CHRNB4: variants seen among roughly 807,000 people sequenced by gnomAD.
CHRNB4 encodes neuronal acetylcholine receptor subunit beta-4.
A neutral mutation model predicts 40.4 loss-of-function variants in CHRNB4; 23 were observed. That is an observed-to-expected ratio of 0.57 (90% confidence interval 0.41 to 0.81). The LOEUF (loss-of-function observed/expected upper bound fraction) is 0.81. Ranked by LOEUF, CHRNB4 falls within the 30% of genes least tolerant of loss-of-function variation. CHRNB4 has a pLI of 0.00. For missense variants in CHRNB4, 568 were observed against 670.6 expected (o/e 0.85, Z 1.69); for synonymous variants, 285 against 274.4 (o/e 1.04, Z -0.38).
rs1567112648 is a variant in CHRNB4 at position 78,629,222 on chromosome 15, CG to C, written c.1082del (p.Pro361ArgfsTer7). The C allele has an allele frequency of 6.2e-7, 1 of 1,613,390 alleles. No homozygotes were observed. The highest frequency in any genetic ancestry group is 8.5e-7 in the Non-Finnish European group (1 of 1,179,636). On this transcript the variant is annotated frameshift_variant, in exon 5 of 6. Coordinates refer to ENST00000261751, the MANE Select transcript of CHRNB4 (RefSeq NM_000750.5). LOFTEE classifies it high-confidence loss of function. This position sits in a 1 kb window ranked among gnomAD's most constrained non-coding sequence, Gnocchi z 6.8. ...GPDSSPARAF[P>X]PSKSCVTKPE... Reference sequence around the variant, plus strand: ...GCTTGGTCACGCATGACTTGCTGGGCGGGAAGGCTCTGGCCGGGCTGCTGTC... The same window carrying C: ...GCTTGGTCACGCATGACTTGCTGGGCGGAAGGCTCTGGCCGGGCTGCTGTC...
intron 1 of CHRNB4, among the ~76,000 whole-genome samples, chr15:78,637,157 G>A (rs574947941): frequency 5.1e-4 from 77 of 152,272 alleles, no homozygotes; most frequent in African/African-American, 1.7e-3. Context: ...CCTAAATACC[G>A]CCTCATGCAG....
chr15:78,629,584 T>C lies in CHRNB4; in HGVS notation c.721A>G (p.Ile241Val). 1 of 1,613,944 alleles carries C rather than the reference T, an allele frequency of 6.2e-7. No homozygotes were observed. Among genetic ancestry groups the C allele is most frequent in the Non-Finnish European group, 8.5e-7 (1 of 1,179,990 alleles). ...AGCAAGGTGGTGAGCACGCAGGGGATGATGAGGTTGATGGTGTAGAACAGA... is the reference window on the plus strand; with the variant it reads ...AGCAAGGTGGTGAGCACGCAGGGGACGATGAGGTTGATGGTGTAGAACAGA... Reference protein sequence around the residue: ...KPLFYTINLIIPCVLTTLLAI... With the variant: ...KPLFYTINLIVPCVLTTLLAI... The change falls in exon 5 of 6, where the codon ATC becomes GTC. Residue 241 changes from isoleucine to valine, a missense_variant. By Grantham distance (29) the Ile-to-Val change is conservative (BLOSUM62 3). Coordinates refer to ENST00000261751, the MANE Select transcript of CHRNB4 (RefSeq NM_000750.5). This position sits in a 1 kb window ranked among gnomAD's most constrained non-coding sequence, Gnocchi z 6.8.
At chr15:78,660,606 C>CTG (rs1377894204), upstream of CHRNB4, 3 of 159,238 alleles carry the variant, frequency 1.9e-5, no homozygotes, top group African/African-American at 7.2e-5. Flanking sequence ...GTCACAGTCC[C>CTG]TGTAAGGGTC....
intron 2 of CHRNB4, among the ~76,000 whole-genome samples, chr15:78,634,101 A>C (rs796403793): frequency 1.7e-4 from 26 of 152,236 alleles, no homozygotes; most frequent in African/African-American, 6.3e-4. Context: ...TCCTCAAATA[A>C]ATAAACAAAC....
chr15:78,646,648 A>G (rs1312517999), intron 7 of CHRNB4, among the ~76,000 whole-genome samples: 1 of 152,204 alleles, frequency 6.6e-6, no homozygotes, highest in African/African-American at 2.4e-5. Context: ...AGAGCAAGAC[A>G]GACAGGAGGC....
chr15:78,638,185 G>T (rs1037525802), intron 1 of CHRNB4, among the ~76,000 whole-genome samples: 1 of 152,188 alleles, frequency 6.6e-6, no homozygotes, highest in South Asian at 2.1e-4. Context: ...CCAAGCGCAG[G>T]GCTGCTCTGC....
At chr15:78,657,161 G>T (rs1279987526) in intron 3 of CHRNB4, among the ~76,000 whole-genome samples, 2 of 151,588 alleles carry the variant, frequency 1.3e-5, no homozygotes, top group Non-Finnish European at 2.9e-5. Context: ...AGTAGCTGGG[G>T]TTACAGGCAC....
At chr15:78,634,588 A>G (rs1348615192) in intron 2 of CHRNB4, 5 of 407,140 alleles carry the variant, frequency 1.2e-5, no homozygotes, top group Non-Finnish European at 2.5e-5. Context: ...CAACCGTGCT[A>G]GAGAGAGAGT....
intron 5 of CHRNB4, among the ~76,000 whole-genome samples, chr15:78,628,682 C>T (rs1166629687): frequency 1.3e-5 from 2 of 152,188 alleles, no homozygotes; most frequent in East Asian, 3.8e-4. Context: ...CCTCACTGTG[C>T]TTCCCAGGAT....
At chr15:78,637,791 T>C (rs1175345560) in intron 1 of CHRNB4, among the ~76,000 whole-genome samples, 1 of 152,206 alleles carries the variant, frequency 6.6e-6, no homozygotes, top group Non-Finnish European at 1.5e-5. Context: ...TTGTGAAAGA[T>C]GCTCCTAGTG....
intron 7 of CHRNB4, among the ~76,000 whole-genome samples, chr15:78,646,246 A>T (rs2054122339): frequency 6.6e-6 from 1 of 152,176 alleles, no homozygotes; most frequent in Admixed American, 6.5e-5. Context: ...ATAAGACAGA[A>T]GTTGCCTTGT....
intron 2 of CHRNB4, chr15:78,634,805 G>C: frequency 2.2e-6 from 1 of 455,798 alleles, no homozygotes; most frequent in Non-Finnish European, 4.4e-6. Flanking sequence ...CCAACTCAGA[G>C]GCAGCAAAGA....
chr15:78,625,684 C>G (rs1351330136), intron 5 of CHRNB4, among the ~76,000 whole-genome samples: 1 of 152,190 alleles, frequency 6.6e-6, no homozygotes, highest in Non-Finnish European at 1.5e-5. Flanking sequence ...TGAGCTGGTT[C>G]TAGCTAAAGA....
chr15:78,652,806 A>G (rs2141409866), intron 5 of CHRNB4: 1 of 152,328 alleles, frequency 6.6e-6, no homozygotes, highest in Middle Eastern at 3.4e-3. Context: ...TGATGCTTCA[A>G]CAAGGTAATG....
intron 2 of CHRNB4, among the ~76,000 whole-genome samples, chr15:78,633,491 G>T (rs1021325290): frequency 2.0e-5 from 3 of 152,202 alleles, no homozygotes; most frequent in Non-Finnish European, 2.9e-5. Flanking sequence ...CAGGCTGTTG[G>T]TGGGAAGGGA....
At chr15:78,640,575 G>A (rs943871079) in intron 1 of CHRNB4, among the ~76,000 whole-genome samples, 1 of 152,260 alleles carries the variant, frequency 6.6e-6, no homozygotes, top group Non-Finnish European at 1.5e-5. Flanking sequence ...TACCACCGCT[G>A]TGTGGGAGGG....
chr15:78,661,085 T>G, upstream of CHRNB4: 2 of 603,582 alleles, frequency 3.3e-6, no homozygotes, highest in Non-Finnish European at 6.4e-6. Flanking sequence ...CTGGCGCGCT[T>G]GAACTTCCGG....
At chr15:78,634,758 G>T in intron 2 of CHRNB4, 1 of 456,002 alleles carries the variant, frequency 2.2e-6, no homozygotes, top group Non-Finnish European at 4.4e-6. Context: ...GGGGACATGG[G>T]AAGGTTTACA....
Position 78,629,323 on chromosome 15 carries a change from T to C in CHRNB4, c.982A>G (p.Thr328Ala), listed in dbSNP as rs2053739249. 30 of 1,613,984 alleles carry C rather than the reference T, an allele frequency of 1.9e-5. No individual in the cohort carries two copies. Among genetic ancestry groups the C allele is most frequent in the Non-Finnish European group, 2.5e-5 (29 of 1,179,994 alleles). Residue 328 changes from threonine (T) to alanine (A), a missense_variant, in exon 5 of 6, where the codon ACC (threonine) becomes GCC (alanine). Thr to Ala is a moderately conservative substitution (Grantham distance 58). This residue lies in a region of CHRNB4 where 242 missense variants were observed against 274.9 expected (regional missense o/e 0.88). Transcript: ENST00000261751. The surrounding 1 kb of genome is among the most constrained non-coding windows in gnomAD (Gnocchi z 6.8). ...CAGCGCTTGACCCAGGGTGCCATGGTGTGGGTGCTGGGCGAGCGGTGGTGC... is the reference window on the plus strand; with the variant it reads ...CAGCGCTTGACCCAGGGTGCCATGGCGTGGGTGCTGGGCGAGCGGTGGTGC... ...NVHHRSPSTHTMAPWVKRCFL... is the reference protein window; with the variant it reads ...NVHHRSPSTHAMAPWVKRCFL...
Sources: allele counts gnomAD v4.1 joint callset (sites outside exome capture counted in the v4.1 genomes callset), GRCh38; gene constraint gnomAD v4.1.1; regional missense constraint gnomAD v4.1.1; non-coding constraint Gnocchi (gnomAD v3.1); transcripts MANE v1.5; gene names NCBI Gene and HGNC (gene_info 2026-07-23, HGNC 2026-07-21).